The following IL1RAPL2 variants were observed in gnomAD, a reference collection of about 807,000 sequenced individuals.
The protein encoded by IL1RAPL2 is interleukin 1 receptor accessory protein like 2, also known as X-linked interleukin-1 receptor accessory protein-like 2.
Under a neutral mutation model 44.1 loss-of-function variants are expected in IL1RAPL2, and 3 were observed. That is an observed-to-expected ratio of 0.07 (90% confidence interval 0.03 to 0.18). IL1RAPL2 has a LOEUF of 0.18. IL1RAPL2 is among the 10% of genes least tolerant of loss of function. The pLI is 1.00. For synonymous variants in IL1RAPL2, 181 were observed against 178.8 expected (o/e 1.01, Z -0.10); for missense variants, 391 against 496.4 (o/e 0.79, Z 2.02).
chrX:105,480,009 AT>A (rs1005866461), intron 5 of IL1RAPL2, among the ~76,000 whole-genome samples: 1 of 111,457 alleles, frequency 9.0e-6, no homozygotes, highest in Non-Finnish European at 1.9e-5. Flanking sequence ...TGACCATAAC[AT>A]ACAAATTCCA....
At chrX:104,619,581 G>A (rs779304077) in intron 1 of IL1RAPL2, among the ~76,000 whole-genome samples, 1 of 111,924 alleles carries the variant, frequency 8.9e-6, no homozygotes, top group African/African-American at 3.3e-5. Flanking sequence ...GAATTAAACT[G>A]CACAGAGTTT....
intron 7 of IL1RAPL2, among the ~76,000 whole-genome samples, chrX:105,721,640 A>G (rs1442477882): frequency 9.0e-6 from 1 of 111,441 alleles, no homozygotes; most frequent in Non-Finnish European, 1.9e-5. Flanking sequence ...GACAAAACAT[A>G]TATACATGAG....
intron 4 of IL1RAPL2, among the ~76,000 whole-genome samples, chrX:105,239,322 A>G (rs782539442): frequency 8.9e-6 from 1 of 111,926 alleles, no homozygotes; most frequent in African/African-American, 3.3e-5. Context: ...TATAGAGCCT[A>G]TCATAAGGGA....
chrX:104,880,079 T>G (rs1429069515), intron 2 of IL1RAPL2, among the ~76,000 whole-genome samples: 3 of 111,433 alleles, frequency 2.7e-5, no homozygotes, highest in Non-Finnish European at 5.7e-5. Context: ...TTTGCAATTT[T>G]TTTTTATCTG....
intron 2 of IL1RAPL2, among the ~76,000 whole-genome samples, chrX:104,867,104 G>T (rs1922636908): frequency 9.2e-6 from 1 of 108,774 alleles, no homozygotes; most frequent in Non-Finnish European, 1.9e-5. Flanking sequence ...GGGCACAGTG[G>T]TGGGCGCCTG....
Position 105,084,348 on chromosome X carries a change from G to A in IL1RAPL2, c.83-111127G>A, listed in dbSNP as rs185119983. On this transcript the variant is annotated intron_variant, in intron 2 of 10. Coordinates refer to ENST00000372582, the MANE Select transcript of IL1RAPL2 (RefSeq NM_017416.2). Reference sequence around the variant, plus strand: ...CAGCCTGTGAAAACAGCTGGGGACCGGGGGTGCCCCACCTTGCAAAGCCAC... The same window carrying A: ...CAGCCTGTGAAAACAGCTGGGGACCAGGGGTGCCCCACCTTGCAAAGCCAC... Among the ~76,000 whole-genome samples, 13 of 112,881 alleles carry A rather than the reference G, an allele frequency of 1.2e-4. No individual in the cohort carries two copies. The East Asian group carries it at 2.5e-3, about 22-fold the overall frequency.
intron 8 of IL1RAPL2, among the ~76,000 whole-genome samples, chrX:105,744,542 C>T (rs2038525133): frequency 9.0e-6 from 1 of 111,658 alleles, no homozygotes; most frequent in Non-Finnish European, 1.9e-5. Flanking sequence ...GGAACAATAA[C>T]TTCTTGATGA....
chrX:105,077,938 C>A (rs1285846707), intron 2 of IL1RAPL2, among the ~76,000 whole-genome samples: 1 of 111,351 alleles, frequency 9.0e-6, no homozygotes, highest in African/African-American at 3.3e-5. Context: ...GTTATGCATT[C>A]ATCTAATTTT....
chrX:105,406,412 T>C, intron 5 of IL1RAPL2: 2 of 1,091,994 alleles, frequency 1.8e-6, no homozygotes, highest in South Asian at 3.7e-5. Flanking sequence ...TGGTATTGTC[T>C]CATTGATCTA....
chrX:105,277,668 T>G (rs184504313), intron 5 of IL1RAPL2, among the ~76,000 whole-genome samples: 26 of 111,663 alleles, frequency 2.3e-4, no homozygotes, highest in African/African-American at 8.2e-4. Flanking sequence ...ATTTCAATTC[T>G]GTAACTCATA....
intron 2 of IL1RAPL2, among the ~76,000 whole-genome samples, chrX:104,950,438 C>G (rs924559494): frequency 2.8e-4 from 31 of 112,373 alleles, no homozygotes; most frequent in African/African-American, 9.7e-4. Context: ...GTGCCCTGCC[C>G]CTAGAGGTGG....
In IL1RAPL2 at chrX:105,294,237, G is replaced by A. The variant is rs746552439; in HGVS notation, c.697+26696G>A. 4.5e-5 allele frequency among the ~76,000 whole-genome samples: 5 copies of A among 112,061 alleles called. No homozygotes were observed. The East Asian group carries it at 1.4e-3, about 32-fold the overall frequency. On this transcript the variant is annotated intron_variant, in intron 5 of 10. Coordinates refer to ENST00000372582, the MANE Select transcript of IL1RAPL2 (RefSeq NM_017416.2). Reference sequence around the variant, plus strand: ...ATAATCGGAGTGATTTCAGAAATAAGCCTGTTCTGTAAGAGAATGGGAGTG... The same window carrying A: ...ATAATCGGAGTGATTTCAGAAATAAACCTGTTCTGTAAGAGAATGGGAGTG...
chrX:105,583,318 TA>T lies in IL1RAPL2; in HGVS notation c.772+98932del, dbSNP rs767317040. On this transcript the variant is annotated intron_variant, in intron 6 of 10. Transcript: ENST00000372582. ...CCCGGCTAATTTTTTGCATTTTTAG[TA>T]GAGACGGGGTTTCACCGTGTTAGCC... Among the ~76,000 whole-genome samples, 9 of 110,188 alleles carry T rather than the reference TA, an allele frequency of 8.2e-5. No individual in the cohort carries two copies. In the East Asian group the frequency reaches 2.6e-3, roughly 32 times the overall value.
intron 2 of IL1RAPL2, among the ~76,000 whole-genome samples, chrX:105,052,559 A>G (rs1210217149): frequency 9.0e-6 from 1 of 111,618 alleles, no homozygotes; most frequent in Admixed American, 9.5e-5. Flanking sequence ...AAAGAAAGCA[A>G]CTAAGATTCT....
chrX:105,036,855 G>T (rs1446495535), intron 2 of IL1RAPL2, among the ~76,000 whole-genome samples: 1 of 111,375 alleles, frequency 9.0e-6, no homozygotes, highest in Admixed American at 9.6e-5. Context: ...CAATACAAAG[G>T]GATAAAAACC....
At chrX:105,051,555 C>A (rs928151250) in intron 2 of IL1RAPL2, among the ~76,000 whole-genome samples, 1 of 112,621 alleles carries the variant, frequency 8.9e-6, no homozygotes. Context: ...TTTGGGTGGC[C>A]GTAGCCCCGC....
intron 2 of IL1RAPL2, among the ~76,000 whole-genome samples, chrX:105,058,242 C>T (rs948719528): frequency 5.8e-4 from 64 of 110,986 alleles, no homozygotes; most frequent in African/African-American, 2.0e-3. Context: ...TGACTCACCG[C>T]GTCCAGCCTA....
In IL1RAPL2 at chrX:105,115,292, G is replaced by A. The variant is rs752304826; in HGVS notation, c.83-80183G>A. On this transcript the variant is annotated intron_variant, in intron 2 of 10. Coordinates refer to ENST00000372582, the MANE Select transcript of IL1RAPL2 (RefSeq NM_017416.2). ...AGTAGCAAGATTCATTGAAAAGAGC[G>A]AAGGAACAAAGATTCCACAGTGTGG... 1.9e-4 allele frequency among the ~76,000 whole-genome samples: 21 copies of A among 111,718 alleles called. No homozygotes were observed. The South Asian group carries it at 2.3e-3, about 12-fold the overall frequency.
intron 6 of IL1RAPL2, among the ~76,000 whole-genome samples, chrX:105,560,821 CTT>C (rs770519964): frequency 2.5e-4 from 27 of 109,155 alleles, no homozygotes; most frequent in South Asian, 3.7e-4. Context: ...TGGATAAAAA[CTT>C]ATATATATAT....
Sources: allele counts gnomAD v4.1 joint callset (sites outside exome capture counted in the v4.1 genomes callset), GRCh38; gene constraint gnomAD v4.1.1; transcripts MANE v1.5; gene names NCBI Gene and HGNC (gene_info 2026-07-23, HGNC 2026-07-21).